The following ATG14 variants were observed in gnomAD, a reference collection of about 807,000 sequenced individuals.
The protein encoded by ATG14 is beclin 1-associated autophagy-related key regulator.
A neutral mutation model predicts 60.4 loss-of-function variants in ATG14; 35 were observed. The observed-to-expected ratio is 0.58, with a 90% CI of 0.44 to 0.77. The LOEUF (loss-of-function observed/expected upper bound fraction) is 0.77, where lower values mean the gene tolerates loss of function less well. ATG14 is among the 30% of genes least tolerant of loss of function. The pLI is 0.00. For missense variants in ATG14, 647 were observed against 626.3 expected (o/e 1.03, Z -0.35); for synonymous variants, 234 against 228.8 (o/e 1.02, Z -0.21).
chr14:55,373,083 A>G (rs7150763), intron 9 of ATG14, among the ~76,000 whole-genome samples: 47,168 of 152,034 alleles, frequency 0.31, 7,533 homozygotes, highest in Non-Finnish European at 0.34. Flanking sequence ...CCTGCCTGCC[A>G]GACCCCAAGC....
At chr14:55,374,055 A>T (rs1884873048) in intron 9 of ATG14, among the ~76,000 whole-genome samples, 1 of 152,238 alleles carries the variant, frequency 6.6e-6, no homozygotes, top group Non-Finnish European at 1.5e-5. Context: ...AGCCTACAGA[A>T]AACTTCAGAC....
rs1280129277 is a variant in ATG14 at position 55,369,307 on chromosome 14, C to T, written c.*312G>A. 1 of 213,354 alleles carries T rather than the reference C, an allele frequency of 4.7e-6. No homozygotes were observed. The highest frequency in any genetic ancestry group is 9.2e-6 in the Non-Finnish European group (1 of 108,394). 13.2% of individuals were successfully genotyped at this position (213,354 alleles called of 1,614,324 possible). A position where few individuals can be genotyped will look rare whatever the true frequency, so the allele number is the denominator to read the frequency against. ...TATCTGTGGGCCCGGTGGCCCGGGC[C>T]CAGAGGGAACCCAAATCAACTGCTT... On this transcript the variant is annotated 3_prime_UTR_variant, in exon 10 of 10. Coordinates refer to ENST00000247178, the MANE Select transcript of ATG14 (RefSeq NM_014924.5).
At chr14:55,376,151 C>A (rs1884916149) in intron 9 of ATG14, among the ~76,000 whole-genome samples, 1 of 152,212 alleles carries the variant, frequency 6.6e-6, no homozygotes. Flanking sequence ...ACCACTTGTA[C>A]TGGCTCTGTG....
intron 7 of ATG14, among the ~76,000 whole-genome samples, chr14:55,379,514 C>A (rs1205968396): frequency 6.6e-6 from 1 of 152,002 alleles, no homozygotes; most frequent in Admixed American, 6.6e-5. Flanking sequence ...CACTGCACTC[C>A]AGCCTGGACG....
chr14:55,404,045 G>A (rs1043279617), intron 1 of ATG14, among the ~76,000 whole-genome samples: 1 of 152,152 alleles, frequency 6.6e-6, no homozygotes. Context: ...TACCAAGGAG[G>A]AGACCCATGG....
At chr14:55,370,616 C>T (rs1312839867) in intron 9 of ATG14, among the ~76,000 whole-genome samples, 2 of 151,818 alleles carry the variant, frequency 1.3e-5, no homozygotes, top group African/African-American at 4.8e-5. Context: ...GGAACCGAGT[C>T]AGCAAACCTC....
intron 9 of ATG14, among the ~76,000 whole-genome samples, chr14:55,377,334 T>G: frequency 6.6e-6 from 1 of 151,080 alleles, no homozygotes; most frequent in African/African-American, 2.4e-5. Flanking sequence ...GTGACAAGGG[T>G]GAAACCCCAT....
At chr14:55,379,348 C>A (rs1253713347) in intron 7 of ATG14, among the ~76,000 whole-genome samples, 1 of 151,724 alleles carries the variant, frequency 6.6e-6, no homozygotes, top group African/African-American at 2.4e-5. Context: ...CCAGCCTGGG[C>A]AACATAGGGA....
chr14:55,378,557 T>C (rs1884965801), intron 7 of ATG14, among the ~76,000 whole-genome samples: 1 of 152,228 alleles, frequency 6.6e-6, no homozygotes, highest in Non-Finnish European at 1.5e-5. Flanking sequence ...CCATTCTTTT[T>C]ACCCACAGCC....
chr14:55,369,005 G>GGAAA lies in ATG14; in HGVS notation c.*610_*613dup, dbSNP rs908300536. ...ACTTTCATTTTCTTTGGTGTGTGGGGGAAAGAAAAACAGGAATGTCTGACA... is the reference window on the plus strand; with the variant it reads ...ACTTTCATTTTCTTTGGTGTGTGGGGGAAAGAAAGAAAAACAGGAATGTCTGACA... On this transcript the variant is annotated 3_prime_UTR_variant, in exon 10 of 10. Coordinates refer to ENST00000247178, the MANE Select transcript of ATG14 (RefSeq NM_014924.5). The GGAAA allele has an allele frequency of 3.9e-5, 6 of 152,422 alleles. No homozygotes were observed. Among genetic ancestry groups the GGAAA allele is most frequent in the African/African-American group, 1.4e-4 (6 of 41,384 alleles). 9.4% of individuals were successfully genotyped at this position (152,422 alleles called of 1,614,324 possible). A position where few individuals can be genotyped will look rare whatever the true frequency, so the allele number is the denominator to read the frequency against.
chr14:55,386,173 A>C, intron 4 of ATG14, 77 bp from the exon 5 acceptor site: 1 of 1,239,288 alleles, frequency 8.1e-7, no homozygotes, highest in Non-Finnish European at 1.1e-6. Context: ...CCCCACAAAC[A>C]TGCGTGTTTT....
chr14:55,408,845 A>G (rs988230138), intron 1 of ATG14, among the ~76,000 whole-genome samples: 1 of 152,236 alleles, frequency 6.6e-6, no homozygotes, highest in Non-Finnish European at 1.5e-5. Context: ...ATGAGTCAAA[A>G]GCCCACATTT....
rs971874678 is a variant in ATG14, at chr14:55,366,548, T to C, written c.*3071A>G. ...AGTCCTCTAACAGCATGCCACTGAA[T>C]GCTCTTCCCCAAATTGAGTCCTTAC... is the stretch of plus-strand genomic sequence containing the variant. On this transcript the variant is annotated 3_prime_UTR_variant, in exon 10 of 10. Coordinates refer to ENST00000247178, the MANE Select transcript of ATG14 (RefSeq NM_014924.5). 6.6e-6 allele frequency: 1 copy of C among 152,562 alleles called. No homozygotes were observed. The highest frequency in any genetic ancestry group is 1.5e-5 in the Non-Finnish European group (1 of 68,048). 9.5% of individuals were successfully genotyped at this position (152,562 alleles called of 1,614,324 possible).
intron 1 of ATG14, among the ~76,000 whole-genome samples, chr14:55,404,886 G>A (rs944962180): frequency 1.3e-5 from 2 of 152,196 alleles, no homozygotes; most frequent in African/African-American, 4.8e-5. Flanking sequence ...CTGAGACTCA[G>A]TTTCCTCTGC....
intron 4 of ATG14, among the ~76,000 whole-genome samples, chr14:55,390,185 C>G (rs113674434): frequency 0.058 from 8,845 of 152,218 alleles, 325 homozygotes; most frequent in South Asian, 0.089. Context: ...AGTCTCCTGC[C>G]TCAGCCTCCT....
intron 1 of ATG14, among the ~76,000 whole-genome samples, chr14:55,408,580 G>A (rs1319477443): frequency 6.6e-6 from 1 of 152,136 alleles, no homozygotes; most frequent in Non-Finnish European, 1.5e-5. Context: ...AGATCAGCCT[G>A]GACAAGATAG....
intron 1 of ATG14, among the ~76,000 whole-genome samples, chr14:55,407,319 C>T (rs566005944): frequency 1.8e-4 from 27 of 152,260 alleles, no homozygotes; most frequent in African/African-American, 4.8e-4. Flanking sequence ...TGACTAGAGA[C>T]GAGGTTTCAC....
At position 55,381,951 on chromosome 14, in the gene ATG14, C is replaced by T. The variant is rs1885040740; in HGVS notation, c.877+11G>A. The T allele has an allele frequency of 1.2e-6, 2 of 1,603,798 alleles. No homozygotes were observed. Among genetic ancestry groups the T allele is most frequent in the Non-Finnish European group, 1.7e-6 (2 of 1,170,724 alleles). On this transcript the variant is annotated intron_variant, in intron 6 of 9. Coordinates refer to ENST00000247178, the MANE Select transcript of ATG14 (RefSeq NM_014924.5). ...CTATATATAGATTTCAAAGGATATG[C>T]TGCTTCTCACCAGGCCCCTGGGTTG...
chr14:55,393,687 G>A (rs1465576579), intron 3 of ATG14, among the ~76,000 whole-genome samples: 1 of 151,788 alleles, frequency 6.6e-6, no homozygotes, highest in Non-Finnish European at 1.5e-5. Flanking sequence ...TGGGACTACA[G>A]GTATATACTA....
Sources: allele counts gnomAD v4.1 joint callset (sites outside exome capture counted in the v4.1 genomes callset), GRCh38; gene constraint gnomAD v4.1.1; transcripts MANE v1.5; gene names NCBI Gene and HGNC (gene_info 2026-07-23, HGNC 2026-07-21).